DYRK4: variants seen among roughly 807,000 people sequenced by gnomAD.
DYRK4 encodes dual specificity tyrosine-phosphorylation-regulated kinase 4.
Under a neutral mutation model 68.3 loss-of-function variants are expected in DYRK4, and 64 were observed. That is an observed-to-expected ratio of 0.94 (90% CI 0.77 to 1.15). DYRK4 has a LOEUF of 1.15. Ranked by LOEUF, DYRK4 falls within the 50% of genes most tolerant of loss-of-function variation. The pLI, the probability that DYRK4 is intolerant of heterozygous loss-of-function variation, is 0.00. For missense variants in DYRK4, 740 were observed against 764.7 expected, an observed-to-expected ratio of 0.97 and a Z score of 0.38; for synonymous variants, 274 against 289.9, an observed-to-expected ratio of 0.95 and a Z score of 0.56.
intron 2 of DYRK4, among the ~76,000 whole-genome samples, chr12:4,577,907 C>T (rs1288986067): frequency 6.6e-6 from 1 of 152,124 alleles, no homozygotes; most frequent in East Asian, 1.9e-4. Flanking sequence ...AATGGTATTG[C>T]ACTTTTAATT....
At position 4,599,694 on chromosome 12, in the gene DYRK4, T is replaced by G; in HGVS notation, c.1045-13T>G. 6.2e-7 allele frequency: 1 copy of G among 1,608,752 alleles called. No homozygotes were observed. The highest frequency in any genetic ancestry group is 8.5e-7 in the Non-Finnish European group (1 of 1,175,786). ...ATTACTGTAGCTTGACATATGTCTT[T>G]TCTTCTCTCTAGGAAAATATAGTGC... On this transcript the variant is annotated splice_polypyrimidine_tract_variant and intron_variant, in intron 9 of 14. Coordinates refer to ENST00000543431, the MANE Select transcript of DYRK4 (RefSeq NM_001394779.1).
At chr12:4,602,323 A>T in intron 10 of DYRK4, 1 of 906,086 alleles carries the variant, frequency 1.1e-6, no homozygotes, top group South Asian at 1.3e-5. Context: ...CTCTTCTTCT[A>T]TTTTCTGTTG....
intron 2 of DYRK4, among the ~76,000 whole-genome samples, chr12:4,570,163 C>T (rs184410527): frequency 1.3e-5 from 2 of 151,944 alleles, no homozygotes; most frequent in African/African-American, 4.8e-5. Flanking sequence ...ATCGCTTGAG[C>T]CCAGGAGGTT....
At chr12:4,566,804 T>A (rs562106559) in intron 1 of DYRK4, among the ~76,000 whole-genome samples, 7 of 152,342 alleles carry the variant, frequency 4.6e-5, no homozygotes, top group African/African-American at 1.7e-4. Context: ...ATTGTCTGTA[T>A]GTGTGTGTAT....
chr12:4,592,870 G>A (rs370091784), intron 5 of DYRK4, 132 bp from the exon 6 acceptor site: 3 of 968,524 alleles, frequency 3.1e-6, no homozygotes, highest in South Asian at 1.7e-5. Context: ...GCCAGATGCA[G>A]GGTCCTCAGT....
At position 4,562,209 on chromosome 12, in the gene DYRK4, C is replaced by T. The variant is rs1444996332; in HGVS notation, c.-37C>T. The T allele has an allele frequency of 6.6e-7, 1 of 1,522,318 alleles. No homozygotes were observed. The highest frequency in any genetic ancestry group is 2.0e-5 in the Admixed American group (1 of 49,020). The allele number at this position is 1,522,318 out of a possible 1,614,324, so 94.3% of individuals were successfully genotyped here. A position where few individuals can be genotyped will look rare whatever the true frequency, so the allele number is the denominator to read the frequency against. ...TCCCTTGCCCTCTGCCGGGCTCTCACAGCCTCCCGCAGCGGCGGGCGGTCA... is the reference window on the plus strand; with the variant it reads ...TCCCTTGCCCTCTGCCGGGCTCTCATAGCCTCCCGCAGCGGCGGGCGGTCA... On this transcript the variant is annotated 5_prime_UTR_variant, in exon 1 of 15. Coordinates refer to ENST00000543431, the MANE Select transcript of DYRK4 (RefSeq NM_001394779.1).
chr12:4,567,808 A>G (rs1310229013), intron 1 of DYRK4, 147 bp from the exon 2 acceptor site: 9 of 647,962 alleles, frequency 1.4e-5, no homozygotes, highest in Admixed American at 8.6e-5. Context: ...AAGGGAAGCA[A>G]GGGAGAAGCA....
rs1035309571 is a variant in DYRK4, at chr12:4,562,292, C to A, written c.38+9C>A. 2.0e-6 allele frequency: 3 copies of A among 1,531,502 alleles called. No individual in the cohort carries two copies. The African/African-American group carries it at 4.1e-5, about 21-fold the overall frequency. 94.9% of individuals were successfully genotyped at this position (1,531,502 alleles called of 1,614,324 possible). On this transcript the variant is annotated intron_variant, in intron 1 of 14. Transcript: ENST00000543431. ...ATCCGCACCGGAACAAAGTAAGGGC[C>A]GCGGAGGCTCGTACTTCACGAGCAG...
At chr12:4,608,587 C>CA (rs1162386192) in intron 12 of DYRK4, among the ~76,000 whole-genome samples, 2 of 152,126 alleles carry the variant, frequency 1.3e-5, no homozygotes, top group African/African-American at 4.8e-5. Flanking sequence ...AGCCCTGCTA[C>CA]AACTGCAGGC....
chr12:4,611,719 C>T (rs1945223417), intron 13 of DYRK4, among the ~76,000 whole-genome samples: 1 of 152,136 alleles, frequency 6.6e-6, no homozygotes. Flanking sequence ...GAAGCTATTC[C>T]CACCATGATG....
At chr12:4,595,548 T>C (rs555817946) in intron 6 of DYRK4, among the ~76,000 whole-genome samples, 7 of 152,304 alleles carry the variant, frequency 4.6e-5, no homozygotes, top group African/African-American at 1.7e-4. Flanking sequence ...TTGAAATATT[T>C]CTCTTCACCA....
intron 2 of DYRK4, among the ~76,000 whole-genome samples, chr12:4,577,788 C>A (rs535137165): frequency 3.3e-5 from 5 of 152,150 alleles, no homozygotes; most frequent in Non-Finnish European, 7.4e-5. Context: ...TTATTTAGAT[C>A]CTCTTTGATT....
chr12:4,563,040 C>A, intron 1 of DYRK4: 1 of 456,008 alleles, frequency 2.2e-6, no homozygotes, highest in Non-Finnish European at 4.4e-6. Context: ...AATATTAATT[C>A]AAGCTTCACT....
In DYRK4 at chr12:4,596,234, A is replaced by T; in HGVS notation, c.713A>T (p.Asp238Val). Reference sequence around the variant, plus strand: ...TTTGGACAGGTGGCCAAGTGCTTGGATCACAAAAACAATGAGCTGGTGGCC... The same window carrying T: ...TTTGGACAGGTGGCCAAGTGCTTGGTTCACAAAAACAATGAGCTGGTGGCC... ...GSFGQVAKCLDHKNNELVALK... is the reference protein window; with the variant it reads ...GSFGQVAKCLVHKNNELVALK... The change falls in exon 7 of 15, where the codon GAT (aspartate) becomes GTT (valine). Residue 238 changes from aspartate to valine, a missense_variant. By Grantham distance (152) the Asp-to-Val change is radical. Transcript: ENST00000543431. The T allele has an allele frequency of 6.2e-7, 1 of 1,614,178 alleles. No individual in the cohort carries two copies. The highest frequency in any genetic ancestry group is 8.5e-7 in the Non-Finnish European group (1 of 1,180,046).
intron 2 of DYRK4, 130 bp from the exon 3 acceptor site, chr12:4,588,807 G>A: frequency 1.3e-6 from 1 of 759,990 alleles, no homozygotes. Context: ...AGCCTCTCTT[G>A]GCTCTTCCCA....
Position 4,604,998 on chromosome 12 carries a change from G to T in DYRK4, c.1211G>T (p.Ser404Ile). The T allele has an allele frequency of 1.2e-6, 2 of 1,614,128 alleles. No homozygotes were observed. Among genetic ancestry groups the T allele is most frequent in the Non-Finnish European group, 1.7e-6 (2 of 1,179,964 alleles). The change falls in exon 11 of 15, where the codon AGC becomes ATC. Residue 404 changes from serine to isoleucine, a missense_variant. Transcript: ENST00000543431. ...TACGACGTGGCCATTGACATGTGGA[G>T]CCTGGGCTGCATCACGGCGGAGTTG... ...HPYDVAIDMW[S>I]LGCITAELYT...
chr12:4,588,392 G>A (rs1417845144), intron 2 of DYRK4, among the ~76,000 whole-genome samples: 1 of 152,114 alleles, frequency 6.6e-6, no homozygotes, highest in Non-Finnish European at 1.5e-5. Context: ...CTCTTCCTCT[G>A]CGGGGTGCTT....
intron 10 of DYRK4, chr12:4,602,761 C>G (rs1945095674): frequency 2.0e-6 from 3 of 1,528,672 alleles, no homozygotes; most frequent in Admixed American, 1.7e-5. Flanking sequence ...TTCCATCTCT[C>G]TCTACCAGTA....
chr12:4,593,106 A>G lies in DYRK4; in HGVS notation c.568A>G (p.Thr190Ala), dbSNP rs567542352. The change falls in exon 6 of 15, where the codon ACG becomes GCG. Residue 190 changes from threonine (T) to alanine (A), a missense_variant. By Grantham distance (58) the Thr-to-Ala change is moderately conservative. Transcript: ENST00000543431. ...FLGLEAKKLDTAPEKFSKTSF... is the reference protein window; with the variant it reads ...FLGLEAKKLDAAPEKFSKTSF... ...GGGTCTTGAAGCCAAGAAGCTCGAC[A>G]CGGCTCCTGAGAAATTTAGCAAGAC... The G allele has an allele frequency of 6.2e-7, 1 of 1,614,210 alleles. No homozygotes were observed. The highest frequency in any genetic ancestry group is 1.3e-5 in the African/African-American group (1 of 75,054).
Sources: gnomAD v4.1 joint callset for allele counts (sites outside exome capture counted in the v4.1 genomes callset) on GRCh38, gnomAD v4.1.1 for gene constraint, MANE v1.5 for transcripts, NCBI Gene and HGNC (gene_info 2026-07-23, HGNC 2026-07-21) for gene names.